Variants in ATAD2B observed in about 807,000 individuals in gnomAD.
The protein encoded by ATAD2B is ATPase family AAA domain-containing protein 2B.
Under a neutral mutation model 167.6 loss-of-function variants are expected in ATAD2B, and 40 were observed. The observed-to-expected ratio is 0.24, with a 90% confidence interval of 0.19 to 0.31. ATAD2B has a LOEUF of 0.31. ATAD2B is among the 10% of genes least tolerant of loss of function. The pLI, the probability that ATAD2B is intolerant of heterozygous loss-of-function variation, is 1.00. For synonymous variants in ATAD2B, 579 were observed against 596.5 expected (o/e 0.97, Z 0.43); for missense variants, 1,242 against 1,757.2 (o/e 0.71, Z 5.24).
intron 13 of ATAD2B, among the ~76,000 whole-genome samples, chr2:23,849,977 C>T (rs1006021407): frequency 1.3e-5 from 2 of 151,488 alleles, no homozygotes; most frequent in Non-Finnish European, 2.9e-5. Flanking sequence ...TTAAAAATGA[C>T]TTTAATACAA....
intron 22 of ATAD2B, among the ~76,000 whole-genome samples, chr2:23,773,353 A>G (rs527512708): frequency 6.6e-6 from 1 of 152,144 alleles, no homozygotes; most frequent in South Asian, 2.1e-4. Context: ...AAAAAATTAA[A>G]AAGTTAGACA....
At chr2:23,800,621 T>A (rs895779757) in intron 18 of ATAD2B, among the ~76,000 whole-genome samples, 1 of 152,162 alleles carries the variant, frequency 6.6e-6, no homozygotes, top group Non-Finnish European at 1.5e-5. Flanking sequence ...TAACATGATA[T>A]TGAACTCAAA....
At chr2:23,896,274 G>A (rs978597369) in intron 1 of ATAD2B, among the ~76,000 whole-genome samples, 3 of 151,206 alleles carry the variant, frequency 2.0e-5, no homozygotes, top group Admixed American at 1.3e-4. Context: ...GCCGTGAGCC[G>A]AGATCATGCC....
intron 8 of ATAD2B, chr2:23,873,128 C>G: frequency 2.6e-6 from 1 of 377,698 alleles, no homozygotes; most frequent in South Asian, 2.5e-5. Context: ...ATCCTCTCCT[C>G]TACTTCTTTC....
intron 14 of ATAD2B, among the ~76,000 whole-genome samples, chr2:23,831,042 A>C (rs538898452): frequency 2.9e-4 from 44 of 152,314 alleles, no homozygotes; most frequent in African/African-American, 9.9e-4. Context: ...GTCATACTAA[A>C]AACAAGACAT....
the ATAD2B span, among the ~76,000 whole-genome samples, chr2:23,701,211 C>T: frequency 8.8e-5 from 2 of 22,702 alleles, no homozygotes; most frequent in African/African-American, 1.6e-4. Context: ...AGCAAACACA[C>T]CCATTCCCCT....
chr2:23,798,022 C>G, intron 19 of ATAD2B, 116 bp downstream of exon 19: 1 of 683,752 alleles, frequency 1.5e-6, no homozygotes, highest in Non-Finnish European at 2.3e-6. Context: ...CAGTTACACC[C>G]AGGATATAAA....
At position 23,848,402 on chromosome 2, in the gene ATAD2B, C is replaced by T. The variant is rs531396391; in HGVS notation, c.1568+9013G>A. ...GGCTCAGGCAGGAGAACTGCTTGAA[C>T]CCGGGAGGCAGAGGTTGCAGTGAGC... On this transcript the variant is annotated intron_variant, in intron 13 of 27. Transcript: ENST00000238789. Among the ~76,000 whole-genome samples the T allele has an allele frequency of 3.3e-5, 5 of 152,262 alleles. No homozygotes were observed. The South Asian group carries it at 8.3e-4, about 25-fold the overall frequency.
chr2:23,687,509 A>C, the ATAD2B span, among the ~76,000 whole-genome samples: 2 of 152,286 alleles, frequency 1.3e-5, no homozygotes, highest in Non-Finnish European at 2.9e-5. Context: ...CTCAGCAAAC[A>C]CACAGGAGCC....
intron 21 of ATAD2B, among the ~76,000 whole-genome samples, chr2:23,784,903 A>G (rs1680592427): frequency 6.6e-6 from 1 of 152,140 alleles, no homozygotes; most frequent in South Asian, 2.1e-4. Flanking sequence ...GAATTTTAAA[A>G]AACTTTCAAG....
intron 27 of ATAD2B, among the ~76,000 whole-genome samples, chr2:23,753,014 T>TA (rs949388029): frequency 3.3e-5 from 5 of 152,002 alleles, no homozygotes; most frequent in African/African-American, 1.2e-4. Flanking sequence ...GTTCTAGAAT[T>TA]AAAAAAAATG....
At chr2:23,884,056 A>C (rs1249622216) in intron 6 of ATAD2B, among the ~76,000 whole-genome samples, 2 of 152,154 alleles carry the variant, frequency 1.3e-5, no homozygotes, top group African/African-American at 4.8e-5. Flanking sequence ...AGGCAGGAGA[A>C]TCGCTTGAAC....
At chr2:23,806,726 G>A (rs915420156) in intron 18 of ATAD2B, among the ~76,000 whole-genome samples, 1 of 152,156 alleles carries the variant, frequency 6.6e-6, no homozygotes, top group Admixed American at 6.5e-5. Flanking sequence ...GGCAGCAATG[G>A]TAGTAGTAAT....
rs1198905840 is a variant in ATAD2B at position 23,785,957 on chromosome 2, A to G, written c.2973+70T>C. 15 of 1,383,766 alleles carry G rather than the reference A, an allele frequency of 1.1e-5. 1 individual carries two copies. In the Admixed American group the frequency reaches 3.1e-4, roughly 28 times the overall value. 85.7% of individuals were successfully genotyped at this position (1,383,766 alleles called of 1,614,324 possible). A position where few individuals can be genotyped will look rare whatever the true frequency, so the allele number is the denominator to read the frequency against. On this transcript the variant is annotated intron_variant, in intron 21 of 27. Coordinates refer to ENST00000238789, the MANE Select transcript of ATAD2B (RefSeq NM_017552.4). Reference sequence around the variant, plus strand: ...ATGCCTTTGCTTTTTTTTCCTTCCAAAAAAAGATGTCAATATTTTTTTCTT... The same window carrying G: ...ATGCCTTTGCTTTTTTTTCCTTCCAGAAAAAGATGTCAATATTTTTTTCTT...
At position 23,757,508 on chromosome 2, in the gene ATAD2B, C is replaced by G. The variant is rs1244890827; in HGVS notation, c.3988G>C (p.Glu1330Gln). The G allele has an allele frequency of 1.9e-6, 3 of 1,574,862 alleles. No individual in the cohort carries two copies. The highest frequency in any genetic ancestry group is 3.8e-5 in the Admixed American group (2 of 52,772). Residue 1330 changes from glutamate (E) to glutamine (Q), a missense_variant, in exon 25 of 28, where the codon GAG (glutamate) becomes CAG (glutamine). Physicochemically the swap from Glu to Gln is conservative, Grantham distance 29. Transcript: ENST00000238789. ...CTACATTCCAGTGCCTCTAGTTTCT[C>G]AAGATCATCTCCATGATTTTCAGTC... ...TSTENHGDDLEKLEALECSNN... is the reference protein window; with the variant it reads ...TSTENHGDDLQKLEALECSNN...
chr2:23,804,869 G>C (rs1684111615), intron 18 of ATAD2B, among the ~76,000 whole-genome samples: 1 of 152,084 alleles, frequency 6.6e-6, no homozygotes, highest in South Asian at 2.1e-4. Flanking sequence ...GCTGGGCACA[G>C]TGGCTCATGA....
chr2:23,805,779 T>A (rs1684275698), intron 18 of ATAD2B, among the ~76,000 whole-genome samples: 1 of 121,140 alleles, frequency 8.3e-6, no homozygotes, highest in African/African-American at 3.4e-5. Context: ...CATCTCCAAA[T>A]GGCATTATCA....
intron 13 of ATAD2B, among the ~76,000 whole-genome samples, chr2:23,835,062 A>G (rs1252772333): frequency 6.6e-6 from 1 of 152,190 alleles, no homozygotes; most frequent in Non-Finnish European, 1.5e-5. Context: ...ACAGCTTTTG[A>G]TGAGGATGTA....
the ATAD2B span, among the ~76,000 whole-genome samples, chr2:23,721,795 T>C: frequency 6.6e-6 from 1 of 151,172 alleles, no homozygotes; most frequent in Non-Finnish European, 1.5e-5. Context: ...AAAAACAGCC[T>C]TGTGGGCCTG....
Sources: allele counts gnomAD v4.1 joint callset (sites outside exome capture counted in the v4.1 genomes callset), GRCh38; gene constraint gnomAD v4.1.1; transcripts MANE v1.5; gene names NCBI Gene and HGNC (gene_info 2026-07-23, HGNC 2026-07-21).